HPF1: variants seen among roughly 807,000 people sequenced by gnomAD.
HPF1 encodes histone PARylation factor 1.
A neutral mutation model predicts 38.8 loss-of-function variants in HPF1; 35 were observed. That is an observed-to-expected ratio of 0.90 (90% confidence interval 0.69 to 1.19). The LOEUF (loss-of-function observed/expected upper bound fraction) is 1.19, where lower values mean the gene tolerates loss of function less well. Ranked by LOEUF, HPF1 falls within the 50% of genes most tolerant of loss-of-function variation. The pLI is 0.00. For synonymous variants in HPF1, 115 were observed against 139.2 expected (o/e 0.83, Z 1.22); for missense variants, 367 against 405.8 (o/e 0.90, Z 0.82).
chr4:169,755,439 T>C (rs116783495), intron 1 of HPF1, among the ~76,000 whole-genome samples: 2,168 of 152,258 alleles, frequency 0.014, 58 homozygotes, highest in African/African-American at 0.049. Flanking sequence ...AGGACCAACT[T>C]TGGAACTTGG....
intron 6 of HPF1, among the ~76,000 whole-genome samples, chr4:169,734,469 C>T (rs543719137): frequency 6.6e-5 from 10 of 152,138 alleles, no homozygotes; most frequent in Non-Finnish European, 1.5e-4. Flanking sequence ...GAATAAGCAA[C>T]TTATGCGAAT....
chr4:169,757,856 G>T lies in HPF1; in HGVS notation c.22C>A (p.Arg8Ser). The T allele has an allele frequency of 1.3e-6, 2 of 1,564,542 alleles. No homozygotes were observed. Among genetic ancestry groups the T allele is most frequent in the Non-Finnish European group, 1.7e-6 (2 of 1,162,362 alleles). Residue 8 changes from arginine to serine, a missense_variant, in exon 1 of 8, where the codon CGC becomes AGC. Physicochemically the swap from Arg to Ser is moderately radical, Grantham distance 110. Coordinates refer to ENST00000393381, the MANE Select transcript of HPF1 (RefSeq NM_017867.3). ...TGCGGCCCCTCTCCGCCGGGCCTGC[G>T]CTTCCCGCCACCGCCGACCATTCTG... MVGGGGK[R>S]RPGGEGPQCE...
chr4:169,757,936 A>G lies in HPF1; in HGVS notation c.-59T>C. 6.6e-7 allele frequency: 1 copy of G among 1,506,232 alleles called. No homozygotes were observed. Among genetic ancestry groups the G allele is most frequent in the Non-Finnish European group, 8.9e-7 (1 of 1,120,998 alleles). 93.3% of individuals were successfully genotyped at this position (1,506,232 alleles called of 1,614,324 possible). ...CCGCGGCCGCTTCCGAGCGCCGCCAACCGCTTCCGGGTTCAAAAGCCTCCA... is the reference window on the plus strand; with the variant it reads ...CCGCGGCCGCTTCCGAGCGCCGCCAGCCGCTTCCGGGTTCAAAAGCCTCCA... On this transcript the variant is annotated 5_prime_UTR_variant, in exon 1 of 8. Coordinates refer to ENST00000393381, the MANE Select transcript of HPF1 (RefSeq NM_017867.3).
intron 3 of HPF1, 105 bp from the exon 4 acceptor site, chr4:169,748,947 T>A: frequency 5.0e-6 from 3 of 599,478 alleles, no homozygotes; most frequent in East Asian, 3.2e-5. Flanking sequence ...TTTTTTTTCC[T>A]TTTTGGAGGC....
intron 4 of HPF1, among the ~76,000 whole-genome samples, chr4:169,747,922 T>G (rs1437119369): frequency 6.6e-6 from 1 of 152,138 alleles, no homozygotes; most frequent in Non-Finnish European, 1.5e-5. Flanking sequence ...GAGTAGGGCA[T>G]CCATTTACCT....
chr4:169,743,088 C>A (rs1261189024), intron 4 of HPF1, among the ~76,000 whole-genome samples: 1 of 147,460 alleles, frequency 6.8e-6, no homozygotes, highest in African/African-American at 2.5e-5. Context: ...CAGCCTAAGA[C>A]TGCCTCAAAA....
chr4:169,752,950 C>A (rs1485221722), intron 2 of HPF1, among the ~76,000 whole-genome samples: 4 of 147,248 alleles, frequency 2.7e-5, no homozygotes, highest in Non-Finnish European at 6.0e-5. Context: ...ATCTATATTT[C>A]TTTCTATATT....
intron 6 of HPF1, among the ~76,000 whole-genome samples, chr4:169,733,322 C>T (rs576917000): frequency 2.3e-4 from 35 of 152,144 alleles, no homozygotes; most frequent in African/African-American, 7.5e-4. Flanking sequence ...GATTTCAGGA[C>T]GCAAATGAGA....
intron 4 of HPF1, among the ~76,000 whole-genome samples, chr4:169,744,663 G>T (rs913473421): frequency 2.6e-5 from 4 of 152,116 alleles, no homozygotes; most frequent in African/African-American, 9.7e-5. Flanking sequence ...AAGCTATTGC[G>T]CTCACAGTGG....
At chr4:169,736,262 T>C (rs367673317) in intron 6 of HPF1, among the ~76,000 whole-genome samples, 1 of 147,482 alleles carries the variant, frequency 6.8e-6, no homozygotes, top group Admixed American at 7.1e-5. Context: ...TAGCCAGGCA[T>C]GGTGGTGCAC....
At position 169,757,845 on chromosome 4, in the gene HPF1, G is replaced by A. The variant is rs1428321628; in HGVS notation, c.33C>T (p.Gly11=). 1.9e-6 allele frequency: 3 copies of A among 1,564,288 alleles called. No individual in the cohort carries two copies. Among genetic ancestry groups the A allele is most frequent in the African/African-American group, 2.7e-5 (2 of 73,726 alleles). MVGGGGKRRP[G]GEGPQCEKTT... Reference sequence around the variant, plus strand: ...CCGGCAGTACCTGCGGCCCCTCTCCGCCGGGCCTGCGCTTCCCGCCACCGC... The same window carrying A: ...CCGGCAGTACCTGCGGCCCCTCTCCACCGGGCCTGCGCTTCCCGCCACCGC... Residue 11 remains glycine (G), a synonymous_variant, in exon 1 of 8, where the codon GGC becomes GGT. Transcript: ENST00000393381.
chr4:169,742,654 T>C (rs1019627737), intron 4 of HPF1, among the ~76,000 whole-genome samples: 5 of 151,964 alleles, frequency 3.3e-5, no homozygotes, highest in South Asian at 2.1e-4. Context: ...TAGCCGGGCG[T>C]GATGGCGGGC....
chr4:169,748,952 G>A, intron 3 of HPF1, 110 bp from the exon 4 acceptor site: 1 of 569,906 alleles, frequency 1.8e-6, no homozygotes. Context: ...TTTCCTTTTT[G>A]GAGGCCTTTT....
At position 169,757,867 on chromosome 4, in the gene HPF1, C is replaced by T. The variant is rs568193006; in HGVS notation, c.11G>A (p.Gly4Asp). Residue 4 changes from glycine (G) to aspartate (D), a missense_variant, in exon 1 of 8, where the codon GGT (glycine) becomes GAT (aspartate). By Grantham distance (94) the Gly-to-Asp change is moderately conservative. Transcript: ENST00000393381. The stretch of plus-strand genomic sequence containing the variant: ...TCCGCCGGGCCTGCGCTTCCCGCCA[C>T]CGCCGACCATTCTGCAGCTGCAGCG... MVG[G>D]GGKRRPGGEG... 5.1e-6 allele frequency: 8 copies of T among 1,562,712 alleles called. No individual in the cohort carries two copies. The highest frequency in any genetic ancestry group is 6.9e-6 in the Non-Finnish European group (8 of 1,161,256).
At chr4:169,753,891 A>C in intron 1 of HPF1, 56 bp from the exon 2 acceptor site, 1 of 1,357,454 alleles carries the variant, frequency 7.4e-7, no homozygotes, top group Non-Finnish European at 1.0e-6. Flanking sequence ...CTCCTTGCAT[A>C]ACAGTATCTA....
At chr4:169,738,226 T>C (rs1733922854) in intron 5 of HPF1, among the ~76,000 whole-genome samples, 1 of 152,216 alleles carries the variant, frequency 6.6e-6, no homozygotes, top group Non-Finnish European at 1.5e-5. Flanking sequence ...CTGGAATATT[T>C]AGGCTTCTCT....
intron 6 of HPF1, among the ~76,000 whole-genome samples, chr4:169,735,919 CAGG>C (rs1268432231): frequency 8.4e-6 from 1 of 118,788 alleles, no homozygotes; most frequent in Admixed American, 8.5e-5. Flanking sequence ...ACAGGTGGGG[CAGG>C]AGAAGGAGCT....
chr4:169,749,790 G>T (rs1734096113), intron 3 of HPF1, among the ~76,000 whole-genome samples: 1 of 149,582 alleles, frequency 6.7e-6, no homozygotes, highest in Admixed American at 6.7e-5. Flanking sequence ...TCCTATTCAC[G>T]TATATAACCA....
rs527956376 is a variant in HPF1 at position 169,731,909 on chromosome 4, A to G, written c.737-33T>C. On this transcript the variant is annotated intron_variant, in intron 6 of 7. Coordinates refer to ENST00000393381, the MANE Select transcript of HPF1 (RefSeq NM_017867.3). The stretch of plus-strand genomic sequence containing the variant: ...AAATCAATAATATAAAAGATTATCT[A>G]CATAGTTAGAAAATGAATCAGTCTT... 22 of 1,534,888 alleles carry G rather than the reference A, an allele frequency of 1.4e-5. No homozygotes were observed. In the South Asian group the frequency reaches 2.5e-4, roughly 18 times the overall value.
Sources: gnomAD v4.1 joint callset for allele counts (sites outside exome capture counted in the v4.1 genomes callset) on GRCh38, gnomAD v4.1.1 for gene constraint, MANE v1.5 for transcripts, NCBI Gene and HGNC (gene_info 2026-07-23, HGNC 2026-07-21) for gene names.